Variants in FNIP2 observed in about 807,000 individuals in gnomAD.
The protein encoded by FNIP2 is folliculin-interacting protein 2.
In FNIP2, 32 loss-of-function variants were observed where a neutral mutation model predicts 108.7. The ratio of observed to expected loss-of-function variants is 0.29; its 90% CI spans 0.22 to 0.40. The LOEUF (loss-of-function observed/expected upper bound fraction) is 0.40. Among genes scored for constraint, FNIP2 ranks in the 10% least tolerant of loss-of-function variants. The pLI, the probability that FNIP2 is intolerant of heterozygous loss-of-function variation, is 1.00. For synonymous variants in FNIP2, 480 were observed against 496.7 expected, an observed-to-expected ratio of 0.97 and a Z score of 0.45; for missense variants, 1,202 against 1,381.6, an observed-to-expected ratio of 0.87 and a Z score of 2.06.
chr4:158,815,572 G>C (rs1240845892), intron 1 of FNIP2, among the ~76,000 whole-genome samples: 1 of 151,932 alleles, frequency 6.6e-6, no homozygotes. Context: ...TCACGTGTTA[G>C]CCAGGATGCT....
chr4:158,807,409 G>A (rs924185620), intron 1 of FNIP2, among the ~76,000 whole-genome samples: 2 of 152,126 alleles, frequency 1.3e-5, no homozygotes, highest in African/African-American at 4.8e-5. Context: ...AGGCTGAGGT[G>A]GGAGGATCGC....
chr4:158,779,099 G>A (rs1775951808), intron 1 of FNIP2, among the ~76,000 whole-genome samples: 1 of 152,174 alleles, frequency 6.6e-6, no homozygotes. Flanking sequence ...CACTTGTCTA[G>A]TTCAACATGT....
chr4:158,796,864 G>A (rs968379488), intron 1 of FNIP2, among the ~76,000 whole-genome samples: 6 of 152,080 alleles, frequency 3.9e-5, no homozygotes, highest in South Asian at 2.1e-4. Flanking sequence ...TTGCCTTGTC[G>A]TCCAAGGTTC....
chr4:158,769,143 C>T lies in FNIP2; in HGVS notation c.-70C>T. ...GCCGCGATGGCCCCGCCACCGCGGC[C>T]GCCGCCCCCGGCTGCGCGCTGAGCC... On this transcript the variant is annotated 5_prime_UTR_variant, in exon 1 of 17. Coordinates refer to ENST00000264433, the MANE Select transcript of FNIP2 (RefSeq NM_020840.3). 1 of 723,870 alleles carries T rather than the reference C, an allele frequency of 1.4e-6. No homozygotes were observed. The highest frequency in any genetic ancestry group is 1.9e-5 in the African/African-American group (1 of 51,752). 44.8% of individuals were successfully genotyped at this position (723,870 alleles called of 1,614,324 possible).
intron 14 of FNIP2, among the ~76,000 whole-genome samples, chr4:158,889,270 C>G (rs904115949): frequency 6.6e-6 from 1 of 152,196 alleles, no homozygotes; most frequent in Non-Finnish European, 1.5e-5. Context: ...TGCATGCTTA[C>G]TTTTAAAATA....
chr4:158,824,631 T>C (rs1257237482), intron 1 of FNIP2, among the ~76,000 whole-genome samples: 1 of 152,148 alleles, frequency 6.6e-6, no homozygotes, highest in Non-Finnish European at 1.5e-5. Flanking sequence ...CTTCATCTCT[T>C]CCACCCCCAT....
chr4:158,783,824 C>T (rs1475884392), intron 1 of FNIP2, among the ~76,000 whole-genome samples: 1 of 152,140 alleles, frequency 6.6e-6, no homozygotes, highest in African/African-American at 2.4e-5. Context: ...GCTTCCTAGA[C>T]TGAGGTTTGC....
At chr4:158,783,773 TCCA>T (rs1322596666) in intron 1 of FNIP2, among the ~76,000 whole-genome samples, 3 of 152,204 alleles carry the variant, frequency 2.0e-5, no homozygotes, top group Non-Finnish European at 4.4e-5. Flanking sequence ...GCTGGAATTC[TCCA>T]TCTGGTTCCA....
chr4:158,774,560 T>C (rs1453059130), intron 1 of FNIP2, among the ~76,000 whole-genome samples: 2 of 152,316 alleles, frequency 1.3e-5, no homozygotes, highest in African/African-American at 2.4e-5. Flanking sequence ...AAAAGTAATA[T>C]GTTTGTTATG....
At chr4:158,790,331 A>G (rs1003409120) in intron 1 of FNIP2, among the ~76,000 whole-genome samples, 1 of 151,854 alleles carries the variant, frequency 6.6e-6, no homozygotes, top group African/African-American at 2.4e-5. Flanking sequence ...TTAATATCCT[A>G]TTAATAAATC....
intron 14 of FNIP2, among the ~76,000 whole-genome samples, chr4:158,883,662 C>T (rs1781849719): frequency 1.3e-5 from 2 of 152,174 alleles, no homozygotes; most frequent in African/African-American, 4.8e-5. Flanking sequence ...CACTCCTGCT[C>T]TCTGTAATAC....
At chr4:158,893,818 G>A in intron 15 of FNIP2, 2 of 751,690 alleles carry the variant, frequency 2.7e-6, no homozygotes, top group Non-Finnish European at 4.3e-6. Context: ...TGTCACAGTT[G>A]ATATCTTGGT....
intron 15 of FNIP2, among the ~76,000 whole-genome samples, chr4:158,895,091 T>G (rs1336820596): frequency 6.6e-6 from 1 of 152,158 alleles, no homozygotes; most frequent in Non-Finnish European, 1.5e-5. Context: ...ATGGTTGCTA[T>G]TCTCTAAAAA....
intron 10 of FNIP2, among the ~76,000 whole-genome samples, chr4:158,859,914 A>G (rs1440818684): frequency 3.3e-5 from 5 of 152,202 alleles, no homozygotes. Context: ...GGGGAAAACT[A>G]ATGTTCAGGT....
intron 14 of FNIP2, among the ~76,000 whole-genome samples, chr4:158,871,043 G>T (rs747037626): frequency 2.6e-5 from 4 of 152,256 alleles, no homozygotes; most frequent in Non-Finnish European, 5.9e-5. Flanking sequence ...GTCACATGTG[G>T]TTTGTTTTTT....
chr4:158,885,045 A>C (rs903847635), intron 14 of FNIP2, among the ~76,000 whole-genome samples: 2 of 151,750 alleles, frequency 1.3e-5, no homozygotes, highest in Admixed American at 6.6e-5. Context: ...AGTCCCAGCT[A>C]CTCGGGAGGC....
At chr4:158,847,267 C>T (rs772119055) in intron 7 of FNIP2, among the ~76,000 whole-genome samples, 1 of 152,114 alleles carries the variant, frequency 6.6e-6, no homozygotes, top group Non-Finnish European at 1.5e-5. Context: ...ATACACCAGC[C>T]GGGGCAACTA....
rs552001023 is a variant in FNIP2, at chr4:158,880,176, A to G, written c.2949+9707A>G. On this transcript the variant is annotated intron_variant, in intron 14 of 16. Coordinates refer to ENST00000264433, the MANE Select transcript of FNIP2 (RefSeq NM_020840.3). ...TATTGTGGCACTATTCACAATAGCAAAGACTTGGAACCAACCCAAATGCCC... is the reference window on the plus strand; with the variant it reads ...TATTGTGGCACTATTCACAATAGCAGAGACTTGGAACCAACCCAAATGCCC... Among the ~76,000 whole-genome samples, 17 of 151,432 alleles carry G rather than the reference A, an allele frequency of 1.1e-4. 1 individual carries two copies. The South Asian group carries it at 3.4e-3, about 30-fold the overall frequency.
At position 158,828,638 on chromosome 4, in the gene FNIP2, A is replaced by AC. The variant is rs370032325; in HGVS notation, c.235-438dup. On this transcript the variant is annotated intron_variant, in intron 2 of 16. Transcript: ENST00000264433. ...TCACAAACAAACAAACAAACAAAAA[A>AC]CCCTACGAGCCAGTCTGCCCAAATT... Among the ~76,000 whole-genome samples the AC allele has an allele frequency of 4.0e-5, 6 of 150,458 alleles. No individual in the cohort carries two copies. In the South Asian group the frequency reaches 8.4e-4, roughly 21 times the overall value.
Sources: gnomAD v4.1 joint callset for allele counts (sites outside exome capture counted in the v4.1 genomes callset) on GRCh38, gnomAD v4.1.1 for gene constraint, MANE v1.5 for transcripts, NCBI Gene and HGNC (gene_info 2026-07-23, HGNC 2026-07-21) for gene names.